ARF5: variants seen among roughly 807,000 people sequenced by gnomAD.
ARF5 encodes ADP-ribosylation factor 5.
ARF5 carries 10 observed loss-of-function variants against 24.8 expected under a neutral mutation model. The ratio of observed to expected loss-of-function variants is 0.40; its 90% CI spans 0.25 to 0.68. The LOEUF (loss-of-function observed/expected upper bound fraction) is 0.68. ARF5 is among the 30% of genes least tolerant of loss of function. The pLI is 0.36. For synonymous variants in ARF5, 102 were observed against 95.1 expected (o/e 1.07, Z -0.42); for missense variants, 135 against 239.2 (o/e 0.56, Z 2.87).
intron 3 of ARF5, 178 bp from the exon 4 acceptor site, chr7:127,589,888 C>T: frequency 1.6e-6 from 1 of 637,782 alleles, no homozygotes; most frequent in Non-Finnish European, 2.8e-6. Flanking sequence ...GCAGTGGGGT[C>T]TCTAGTTTGT....
intron 2 of ARF5, 108 bp from the exon 3 acceptor site, chr7:127,589,377 G>A (rs2117415272): frequency 8.8e-7 from 1 of 1,138,674 alleles, no homozygotes; most frequent in South Asian, 1.3e-5. Context: ...GTTCCCCTGG[G>A]CCTTGATCAT....
intron 5 of ARF5, 49 bp from the exon 6 acceptor site, chr7:127,591,164 A>AT: frequency 6.2e-7 from 1 of 1,607,198 alleles, no homozygotes. Flanking sequence ...ATATAAAGGC[A>AT]TTCCTTTTGT....
Position 127,590,063 on chromosome 7 carries a change from C to T in ARF5, c.259-3C>T. The T allele has an allele frequency of 1.2e-6, 2 of 1,613,542 alleles. No homozygotes were observed. Among genetic ancestry groups the T allele is most frequent in the South Asian group, 1.1e-5 (1 of 91,068 alleles). Reference sequence around the variant, plus strand: ...TCTCCTTTCTTCCTTCCTTCCTGCCCAGGGCCTCATCTTTGTGGTGGACAG... The same window carrying T: ...TCTCCTTTCTTCCTTCCTTCCTGCCTAGGGCCTCATCTTTGTGGTGGACAG... On this transcript the variant is annotated splice_polypyrimidine_tract_variant and splice_region_variant and intron_variant, in intron 3 of 5. Transcript: ENST00000000233.
chr7:127,590,479 C>T (rs1266408088), intron 4 of ARF5, among the ~76,000 whole-genome samples: 1 of 152,136 alleles, frequency 6.6e-6, no homozygotes, highest in Non-Finnish European at 1.5e-5. Context: ...ATTACAGGCG[C>T]CCGCTGCCAT....
At chr7:127,590,815 A>G in intron 4 of ARF5, 148 bp from the exon 5 acceptor site, 1 of 1,080,616 alleles carries the variant, frequency 9.3e-7, no homozygotes, top group Middle Eastern at 2.3e-4. Context: ...AGGTCACCTC[A>G]AGCTCATTTA....
At position 127,591,345 on chromosome 7, in the gene ARF5, C is replaced by T; in HGVS notation, c.*46C>T. Reference sequence around the variant, plus strand: ...GATGCCCGGAAGCTCCTGCGTGCATCCCCGGGATGACCAGACTCCCGGACT... The same window carrying T: ...GATGCCCGGAAGCTCCTGCGTGCATTCCCGGGATGACCAGACTCCCGGACT... On this transcript the variant is annotated 3_prime_UTR_variant, in exon 6 of 6. Transcript: ENST00000000233. The T allele has an allele frequency of 1.3e-6, 2 of 1,499,056 alleles. No individual in the cohort carries two copies. Among genetic ancestry groups the T allele is most frequent in the South Asian group, 1.3e-5 (1 of 75,486 alleles). 92.9% of individuals were successfully genotyped at this position (1,499,056 alleles called of 1,614,324 possible).
intron 1 of ARF5, 31 bp downstream of exon 1, chr7:127,588,596 G>GGGGCGCCGGCCCC: frequency 7.5e-7 from 1 of 1,329,660 alleles, no homozygotes; most frequent in Non-Finnish European, 9.7e-7. Flanking sequence ...GGCCCGGACC[G>GGGGCGCCGGCCCC]GGGCGCCGGC....
In ARF5 at chr7:127,588,529, C is replaced by A; in HGVS notation, c.31C>A (p.Arg11=). Residue 11 remains arginine, a synonymous_variant, in exon 1 of 6, where the codon CGG becomes AGG. Transcript: ENST00000000233. ...CCTCACCGTGTCCGCGCTCTTTTCG[C>A]GGATCTTCGGGAAGAAGCAGATGCG... MGLTVSALFS[R]IFGKKQMRIL... The A allele has an allele frequency of 6.8e-7, 1 of 1,467,322 alleles. No individual in the cohort carries two copies. Among genetic ancestry groups the A allele is most frequent in the Non-Finnish European group, 9.1e-7 (1 of 1,098,696 alleles). The allele number at this position is 1,467,322 out of a possible 1,614,324, so 90.9% of individuals were successfully genotyped here.
Position 127,591,023 on chromosome 7 carries a change from C to T in ARF5, c.391C>T (p.Pro131Ser). Residue 131 changes from proline to serine, a missense_variant, in exon 5 of 6, where the codon CCC (proline) becomes TCC (serine). This residue lies in a region of ARF5 where 102 missense variants were observed against 160.9 expected (regional missense o/e 0.63). Transcript: ENST00000000233. ...LLVFANKQDM[P>S]NAMPVSELTD... ...GGTATTTGCCAACAAGCAGGACATG[C>T]CCAACGCCATGCCCGTGAGCGAGCT... The T allele has an allele frequency of 6.2e-7, 1 of 1,614,088 alleles. No homozygotes were observed. The highest frequency in any genetic ancestry group is 8.5e-7 in the Non-Finnish European group (1 of 1,180,012).
In ARF5 at chr7:127,590,045, T is replaced by TCTTCCTTC. The variant is rs772402404; in HGVS notation, c.259-14_259-7dup. 642 of 1,611,040 alleles carry TCTTCCTTC rather than the reference T, an allele frequency of 4.0e-4. 2 individuals are homozygous for TCTTCCTTC. In the African/African-American group the frequency reaches 8.0e-3, roughly 20 times the overall value. ...CAGGCAGAAGTGATTGCTTCTCCTT[T>TCTTCCTTC]CTTCCTTCCTTCCTGCCCAGGGCCT... is the stretch of plus-strand genomic sequence containing the variant. On this transcript the variant is annotated intron_variant, in intron 3 of 5. Transcript: ENST00000000233.
chr7:127,588,601 G>A, intron 1 of ARF5, 36 bp downstream of exon 1: 1 of 1,312,954 alleles, frequency 7.6e-7, no homozygotes, highest in South Asian at 2.2e-5. Context: ...GGACCGGGGC[G>A]CCGGCCCCGG....
chr7:127,591,116 A>G, intron 5 of ARF5, 28 bp downstream of exon 5: 2 of 1,613,000 alleles, frequency 1.2e-6, no homozygotes, highest in Non-Finnish European at 1.7e-6. Flanking sequence ...CTGGTGCTGA[A>G]TCCTGCCTCT....
chr7:127,590,557 C>A (rs1328664538), intron 4 of ARF5, among the ~76,000 whole-genome samples: 1 of 152,090 alleles, frequency 6.6e-6, no homozygotes, highest in African/African-American at 2.4e-5. Context: ...GGTCTTGAAC[C>A]CCCAACCTCA....
chr7:127,590,826 C>A (rs916982926), intron 4 of ARF5, 137 bp from the exon 5 acceptor site: 5 of 1,198,030 alleles, frequency 4.2e-6, no homozygotes, highest in African/African-American at 3.1e-5. Context: ...AGCTCATTTA[C>A]AACTATGTCT....
chr7:127,588,699 C>T (rs1286009223), intron 1 of ARF5, 134 bp downstream of exon 1: 4 of 898,872 alleles, frequency 4.5e-6, no homozygotes, highest in Non-Finnish European at 6.2e-6. Flanking sequence ...CCCGGGGCCT[C>T]TGCTCTCGGG....
At chr7:127,589,460 A>G in intron 2 of ARF5, 25 bp from the exon 3 acceptor site, 4 of 1,567,586 alleles carry the variant, frequency 2.6e-6, no homozygotes, top group African/African-American at 1.4e-5. Flanking sequence ...GAGTTTTCTC[A>G]TCTTTTTTTT....
intron 5 of ARF5, 37 bp downstream of exon 5, chr7:127,591,125 C>T: frequency 6.2e-7 from 1 of 1,612,424 alleles, no homozygotes; most frequent in East Asian, 2.2e-5. Context: ...AATCCTGCCT[C>T]TTGAGGGAAG....
rs1034483799 is a variant in ARF5 at position 127,588,432 on chromosome 7, C to T, written c.-67C>T. On this transcript the variant is annotated 5_prime_UTR_variant, in exon 1 of 6. Coordinates refer to ENST00000000233, the MANE Select transcript of ARF5 (RefSeq NM_001662.4). ...CCTCCTGCTGCTGCTGCGCCCCATC[C>T]CCCCGCGGCCGGCCAGTTCCAGCCC... is the stretch of plus-strand genomic sequence containing the variant. 2.8e-6 allele frequency: 3 copies of T among 1,065,310 alleles called. No homozygotes were observed. Among genetic ancestry groups the T allele is most frequent in the Non-Finnish European group, 3.7e-6 (3 of 817,970 alleles). 66.0% of individuals were successfully genotyped at this position (1,065,310 alleles called of 1,614,324 possible).
rs538031597 is a variant in ARF5, at chr7:127,590,872, T to C, written c.331-91T>C. On this transcript the variant is annotated intron_variant, in intron 4 of 5. Transcript: ENST00000000233. ...GGCAGACTGCACAATACTTTTTTTT[T>C]CCAATCAAGATGCTAGGAGGTAGAA... The C allele has an allele frequency of 7.5e-5, 112 of 1,486,112 alleles. No homozygotes were observed. The African/African-American group carries it at 1.4e-3, about 18-fold the overall frequency. 92.1% of individuals were successfully genotyped at this position (1,486,112 alleles called of 1,614,324 possible). A position where few individuals can be genotyped will look rare whatever the true frequency, so the allele number is the denominator to read the frequency against.
Sources: allele counts gnomAD v4.1 joint callset (sites outside exome capture counted in the v4.1 genomes callset), GRCh38; gene constraint gnomAD v4.1.1; regional missense constraint gnomAD v4.1.1; transcripts MANE v1.5; gene names NCBI Gene and HGNC (gene_info 2026-07-23, HGNC 2026-07-21).